SMPD3: variants seen among roughly 807,000 people sequenced by gnomAD.
SMPD3 encodes the protein nSMase-2.
In SMPD3, 21 loss-of-function variants were observed where a neutral mutation model predicts 55.7. The observed-to-expected ratio is 0.38, with a 90% CI of 0.27 to 0.54. The LOEUF is 0.54. SMPD3 is among the 20% of genes least tolerant of loss of function. The pLI is 0.80. For synonymous variants in SMPD3, 457 were observed against 404.3 expected (o/e 1.13, Z -1.56); for missense variants, 842 against 899.6 (o/e 0.94, Z 0.82).
chr16:68,367,173 T>G (rs1238027378), intron 3 of SMPD3, among the ~76,000 whole-genome samples: 3 of 151,988 alleles, frequency 2.0e-5, no homozygotes, highest in Non-Finnish European at 4.4e-5. Flanking sequence ...TGTCTCAAAA[T>G]AAATAAAAGA....
intron 5 of SMPD3, chr16:68,364,547 G>C (rs1447343979): frequency 3.2e-6 from 2 of 615,890 alleles, no homozygotes; most frequent in East Asian, 3.0e-5. Flanking sequence ...GGGCATCTCT[G>C]TCTCCAGCTT....
At chr16:68,382,999 C>G (rs1317312518) in intron 2 of SMPD3, among the ~76,000 whole-genome samples, 2 of 152,282 alleles carry the variant, frequency 1.3e-5, no homozygotes, top group South Asian at 2.1e-4. Context: ...CATGTGCCAG[C>G]TAATTTTTTT....
At chr16:68,363,968 C>T in intron 5 of SMPD3, 102 bp from the exon 6 acceptor site, 2 of 1,099,948 alleles carry the variant, frequency 1.8e-6, no homozygotes, top group Admixed American at 2.1e-5. Context: ...TGCTGCCAGG[C>T]CCCCATCCCT....
Position 68,363,510 on chromosome 16 carries a change from G to C in SMPD3, c.1695C>G (p.Pro565=), listed in dbSNP as rs763060796. The change falls in exon 7 of 9, where the codon CCC becomes CCG. Residue 565 remains proline (P), a synonymous_variant. Coordinates refer to ENST00000219334, the MANE Select transcript of SMPD3 (RefSeq NM_018667.4). Reference sequence around the variant, plus strand: ...GCAGTGCTTACTTCTGCAGGTTGTCGGGGGTGCACACATCCTCATCGTACA... The same window carrying C: ...GCAGTGCTTACTTCTGCAGGTTGTCCGGGGTGCACACATCCTCATCGTACA... ...NGLYDEDVCT[P]DNLQKVLESE... 6.2e-7 allele frequency: 1 copy of C among 1,613,884 alleles called. No individual in the cohort carries two copies. Among genetic ancestry groups the C allele is most frequent in the African/African-American group, 1.3e-5 (1 of 74,928 alleles).
rs2089099436 is a variant in SMPD3, at chr16:68,359,438, G to T, written c.*1768C>A. On this transcript the variant is annotated 3_prime_UTR_variant, in exon 9 of 9. Transcript: ENST00000219334. ...GCAGACGGTGCTTCCCAGGCCAGGT[G>T]AGTTCAGACAGGCCAGTGTCACAAG... 1 of 152,800 alleles carries T rather than the reference G, an allele frequency of 6.5e-6. No individual in the cohort carries two copies. The highest frequency in any genetic ancestry group is 6.5e-5 in the Admixed American group (1 of 15,310). The allele number at this position is 152,800 out of a possible 1,614,324, so 9.5% of individuals were successfully genotyped here.
At chr16:68,396,159 C>T (rs2090155522) in intron 1 of SMPD3, among the ~76,000 whole-genome samples, 1 of 152,240 alleles carries the variant, frequency 6.6e-6, no homozygotes, top group Non-Finnish European at 1.5e-5. Context: ...CTGTCACCGC[C>T]ACCAGGGCCT....
At chr16:68,381,196 C>T (rs866460396) in intron 2 of SMPD3, among the ~76,000 whole-genome samples, 15 of 152,336 alleles carry the variant, frequency 9.8e-5, no homozygotes, top group African/African-American at 3.1e-4. Context: ...GAGGCCCCGT[C>T]CTGGACCCTT....
At chr16:68,419,501 G>GGGATGGGGCA (rs1167165678) in intron 1 of SMPD3, among the ~76,000 whole-genome samples, 1 of 152,212 alleles carries the variant, frequency 6.6e-6, no homozygotes. Flanking sequence ...CCTAGCCAGA[G>GGGATGGGGCA]GGATGGGGCA....
chr16:68,398,056 AG>A (rs1257303396), intron 1 of SMPD3, among the ~76,000 whole-genome samples: 3 of 139,182 alleles, frequency 2.2e-5, no homozygotes, highest in Non-Finnish European at 4.7e-5. Flanking sequence ...GGAGGGAGGG[AG>A]GGAGTCCAAG....
chr16:68,447,089 T>A lies in SMPD3; in HGVS notation c.-269+1264A>T, dbSNP rs538099167. ...CCCGCGCCGCGCCCGAAGCCCCCCC[T>A]CCGCGGCCGCGCCCCCCGCCCAGCC... On this transcript the variant is annotated intron_variant, in intron 1 of 8. Coordinates refer to ENST00000219334, the MANE Select transcript of SMPD3 (RefSeq NM_018667.4). This position sits in a 1 kb window ranked among gnomAD's most constrained non-coding sequence, Gnocchi z 5.1. Among the ~76,000 whole-genome samples the A allele has an allele frequency of 6.6e-6, 1 of 151,080 alleles. No homozygotes were observed.
At position 68,371,099 on chromosome 16, in the gene SMPD3, G is replaced by A; in HGVS notation, c.1083C>T (p.Cys361=). The part of the protein sequence containing the change: ...AFFPANLDFL[C]LQEVFDKRAA... ...CTCGCTTGTCAAACACCTCCTGCAG[G>A]CACAGGAAGTCCAGGTTGGCGGGGA... Residue 361 remains cysteine (C), a synonymous_variant, in exon 3 of 9, where the codon TGC becomes TGT. Transcript: ENST00000219334. The A allele has an allele frequency of 1.2e-6, 2 of 1,614,156 alleles. No homozygotes were observed. Among genetic ancestry groups the A allele is most frequent in the Non-Finnish European group, 1.7e-6 (2 of 1,180,042 alleles).
At chr16:68,419,765 C>G (rs2090374470) in intron 1 of SMPD3, among the ~76,000 whole-genome samples, 1 of 152,154 alleles carries the variant, frequency 6.6e-6, no homozygotes. Flanking sequence ...CATAATGAAG[C>G]CTTACTCCTA....
At chr16:68,420,775 T>C (rs2090387375) in intron 1 of SMPD3, among the ~76,000 whole-genome samples, 1 of 152,244 alleles carries the variant, frequency 6.6e-6, no homozygotes, top group East Asian at 1.9e-4. Context: ...TGTGTTCACA[T>C]GAGGCCTCTC....
intron 1 of SMPD3, among the ~76,000 whole-genome samples, chr16:68,399,188 G>T (rs2090185573): frequency 2.6e-5 from 4 of 152,144 alleles, no homozygotes; most frequent in Admixed American, 2.6e-4. Flanking sequence ...GGGTGGGCTT[G>T]GGGGGAGGTC....
chr16:68,375,310 C>T (rs369388692), intron 2 of SMPD3, among the ~76,000 whole-genome samples: 1 of 96,336 alleles, frequency 1.0e-5, no homozygotes, highest in Admixed American at 9.1e-5. Context: ...CCTCATCCAC[C>T]CCCACCCTGG....
At chr16:68,432,609 T>C (rs189305547) in intron 1 of SMPD3, among the ~76,000 whole-genome samples, 25 of 152,306 alleles carry the variant, frequency 1.6e-4, no homozygotes, top group Admixed American at 3.3e-4. Context: ...TCAGGAAATT[T>C]ACAGACTTTC....
At chr16:68,381,993 G>A (rs538709009) in intron 2 of SMPD3, 10 of 152,278 alleles carry the variant, frequency 6.6e-5, no homozygotes, top group Non-Finnish European at 1.0e-4. Context: ...CAGGCCAGGC[G>A]GTAGGCTCAC....
At chr16:68,440,110 T>A (rs1306213410) in intron 1 of SMPD3, among the ~76,000 whole-genome samples, 1 of 152,200 alleles carries the variant, frequency 6.6e-6, no homozygotes, top group African/African-American at 2.4e-5. Context: ...GTCCTTTCAA[T>A]CTCCTCAGGC....
chr16:68,417,722 C>T (rs1055645255), intron 1 of SMPD3, among the ~76,000 whole-genome samples: 1 of 152,202 alleles, frequency 6.6e-6, no homozygotes, highest in Non-Finnish European at 1.5e-5. Context: ...GTTCCCTTAA[C>T]GTGCTTTCCT....
Sources: gnomAD v4.1 joint callset for allele counts (sites outside exome capture counted in the v4.1 genomes callset) on GRCh38, gnomAD v4.1.1 for gene constraint, Gnocchi (gnomAD v3.1) non-coding constraint, MANE v1.5 for transcripts, NCBI Gene and HGNC (gene_info 2026-07-23, HGNC 2026-07-21) for gene names.